Variants in SPATA22 observed in about 807,000 individuals in gnomAD.
The protein encoded by SPATA22 is spermatogenesis-associated protein 22.
Under a neutral mutation model 47.8 loss-of-function variants are expected in SPATA22, and 29 were observed. The ratio of observed to expected loss-of-function variants is 0.61; its 90% confidence interval spans 0.45 to 0.83. SPATA22 has a LOEUF of 0.83. Ranked by LOEUF, SPATA22 falls within the 40% of genes least tolerant of loss-of-function variation. The pLI is 0.00. For synonymous variants in SPATA22, 133 were observed against 140.9 expected, an observed-to-expected ratio of 0.94 and a Z score of 0.40; for missense variants, 410 against 421.7, an observed-to-expected ratio of 0.97 and a Z score of 0.24.
At chr17:3,455,782 C>G (rs1179236708) in intron 5 of SPATA22, among the ~76,000 whole-genome samples, 1 of 149,626 alleles carries the variant, frequency 6.7e-6, no homozygotes, top group Non-Finnish European at 1.5e-5. Context: ...GATGCGGGCT[C>G]TTTTTTGGTT....
intron 5 of SPATA22, 104 bp from the exon 6 acceptor site, chr17:3,449,253 A>C (rs2072802718): frequency 1.2e-6 from 1 of 825,328 alleles, no homozygotes; most frequent in African/African-American, 1.7e-5. Context: ...TGACTTAGAA[A>C]GCACTTTATA....
chr17:3,492,274 G>A (rs1295755572), intron 1 of SPATA22, among the ~76,000 whole-genome samples: 1 of 152,230 alleles, frequency 6.6e-6, no homozygotes, highest in Non-Finnish European at 1.5e-5. Context: ...AAGATGGCCA[G>A]AACAATACGG....
chr17:3,482,895 T>G (rs2150747937), intron 1 of SPATA22, among the ~76,000 whole-genome samples: 1 of 150,852 alleles, frequency 6.6e-6, no homozygotes, highest in African/African-American at 2.4e-5. Flanking sequence ...ACCCATTAAC[T>G]CGTCATTTAG....
rs1460312960 is a variant in SPATA22, at chr17:3,465,165, G to GC, written c.172+2260dup. On this transcript the variant is annotated intron_variant, in intron 3 of 8. Transcript: ENST00000572969. ...GTCCGGGAGGGAGGTGGGGGGGTCA[G>GC]CCCCCCGCCCGGCCAGCCGCCTCGT... Among the ~76,000 whole-genome samples the GC allele has an allele frequency of 2.6e-3, 359 of 135,846 alleles. 1 individual carries two copies. The highest frequency in any genetic ancestry group is 9.4e-3 in the African/African-American group (341 of 36,402). The allele number at this position is 135,846 out of a possible 152,430, so 89.1% of individuals were successfully genotyped here. A position where few individuals can be genotyped will look rare whatever the true frequency, so the allele number is the denominator to read the frequency against.
intron 1 of SPATA22, among the ~76,000 whole-genome samples, chr17:3,471,162 G>A (rs1479551800): frequency 1.3e-5 from 2 of 151,858 alleles, no homozygotes; most frequent in African/African-American, 4.8e-5. Context: ...GGAAAAAATG[G>A]AGAGAGGGAG....
intron 1 of SPATA22, chr17:3,511,558 G>A (rs1352088583): frequency 6.6e-6 from 1 of 152,174 alleles, no homozygotes; most frequent in Non-Finnish European, 1.5e-5. Flanking sequence ...ACCTACCTAG[G>A]CTCAGACGTT....
intron 1 of SPATA22, among the ~76,000 whole-genome samples, chr17:3,477,997 A>G (rs907623755): frequency 6.6e-6 from 1 of 151,642 alleles, no homozygotes; most frequent in Non-Finnish European, 1.5e-5. Context: ...CCTGGCTAAC[A>G]CGGTAAAACC....
intron 1 of SPATA22, chr17:3,471,335 C>T (rs2073429909): frequency 1.3e-6 from 1 of 773,800 alleles, no homozygotes; most frequent in Non-Finnish European, 1.6e-6. Context: ...TTATGTTTCT[C>T]AGGATCAAAC....
At chr17:3,483,645 C>A in intron 1 of SPATA22, 4 of 1,477,864 alleles carry the variant, frequency 2.7e-6, no homozygotes, top group Non-Finnish European at 3.8e-6. Flanking sequence ...CTAGCTGAAA[C>A]TCAGAGAAAT....
intron 5 of SPATA22, among the ~76,000 whole-genome samples, chr17:3,450,914 T>C (rs963383622): frequency 6.6e-6 from 1 of 152,198 alleles, no homozygotes; most frequent in Middle Eastern, 3.2e-3. Context: ...ACCAATCGAC[T>C]TGCTCAATGC....
At chr17:3,469,172 G>C in intron 2 of SPATA22, 111 bp downstream of exon 2, 2 of 545,474 alleles carry the variant, frequency 3.7e-6, no homozygotes, top group Non-Finnish European at 6.2e-6. Flanking sequence ...AAGTAAAGAG[G>C]CTAGATTAAC....
At chr17:3,455,335 A>T (rs940845987) in intron 5 of SPATA22, among the ~76,000 whole-genome samples, 23 of 151,818 alleles carry the variant, frequency 1.5e-4, no homozygotes, top group African/African-American at 5.3e-4. Context: ...TTTTGTTGCC[A>T]TTGCTTTTGG....
intron 5 of SPATA22, among the ~76,000 whole-genome samples, chr17:3,460,547 G>C (rs908342960): frequency 3.3e-5 from 5 of 152,002 alleles, no homozygotes; most frequent in African/African-American, 1.2e-4. Flanking sequence ...CCAGCACTTT[G>C]GGAGGCTGAG....
intron 1 of SPATA22, among the ~76,000 whole-genome samples, chr17:3,483,082 G>A (rs1264293055): frequency 1.3e-5 from 2 of 151,660 alleles, no homozygotes; most frequent in Admixed American, 6.6e-5. Context: ...GCAGGAGGAG[G>A]GGGAATCACC....
At chr17:3,474,250 T>A (rs550239787), upstream of SPATA22, 1 of 152,348 alleles carries the variant, frequency 6.6e-6, no homozygotes, top group African/African-American at 2.4e-5. Context: ...AGAGAAACTT[T>A]ATTTATGAAT....
At chr17:3,509,936 A>G (rs2074090640) in intron 1 of SPATA22, among the ~76,000 whole-genome samples, 1 of 152,042 alleles carries the variant, frequency 6.6e-6, no homozygotes, top group South Asian at 2.1e-4. Context: ...GCTTTTTTTC[A>G]TATGTTTGTT....
At chr17:3,447,633 A>G (rs2072757502) in intron 6 of SPATA22, among the ~76,000 whole-genome samples, 2 of 152,200 alleles carry the variant, frequency 1.3e-5, no homozygotes, top group African/African-American at 4.8e-5. Flanking sequence ...GCTTTTTCAG[A>G]CATAAGGGCA....
chr17:3,464,393 G>C, intron 3 of SPATA22, among the ~76,000 whole-genome samples: 1 of 140,918 alleles, frequency 7.1e-6, no homozygotes, highest in Non-Finnish European at 1.7e-5. Flanking sequence ...GCCTCTGCCC[G>C]GCCGCCACCC....
chr17:3,506,222 G>A (rs916104701), intron 1 of SPATA22, among the ~76,000 whole-genome samples: 2 of 152,164 alleles, frequency 1.3e-5, no homozygotes, highest in Non-Finnish European at 2.9e-5. Flanking sequence ...CGATGACTGA[G>A]AGGGTCACTC....
Sources: gnomAD v4.1 joint callset for allele counts (sites outside exome capture counted in the v4.1 genomes callset) on GRCh38, gnomAD v4.1.1 for gene constraint, MANE v1.5 for transcripts, NCBI Gene and HGNC (gene_info 2026-07-23, HGNC 2026-07-21) for gene names.